Variants in VPS13B observed in about 807,000 individuals in gnomAD.
VPS13B encodes the protein vacuolar protein sorting 13 homolog B, also known as intermembrane lipid transfer protein VPS13B.
In VPS13B, 285 loss-of-function variants were observed where a neutral mutation model predicts 426.4. The ratio of observed to expected loss-of-function variants is 0.67; its 90% confidence interval spans 0.61 to 0.74. The LOEUF (loss-of-function observed/expected upper bound fraction) is 0.74. Among genes scored for constraint, VPS13B ranks in the 30% least tolerant of loss-of-function variants. The pLI is 0.00. For synonymous variants in VPS13B, 1,676 were observed against 1,676.4 expected (o/e 1.00, Z 0.01); for missense variants, 4,537 against 4,782.6 (o/e 0.95, Z 1.51).
chr8:99,048,228 C>A (rs1843332639), intron 3 of VPS13B, among the ~76,000 whole-genome samples: 1 of 152,214 alleles, frequency 6.6e-6, no homozygotes, highest in Non-Finnish European at 1.5e-5. Context: ...GATATAATTT[C>A]AATTTTCTTA....
intron 17 of VPS13B, among the ~76,000 whole-genome samples, chr8:99,239,203 G>A (rs1816789951): frequency 6.6e-6 from 1 of 152,100 alleles, no homozygotes; most frequent in Non-Finnish European, 1.5e-5. Context: ...CCTGGCCATT[G>A]AGTGTTGTGG....
At chr8:99,614,268 CACACATAT>C (rs1180959137) in intron 33 of VPS13B, among the ~76,000 whole-genome samples, 2 of 151,908 alleles carry the variant, frequency 1.3e-5, no homozygotes, top group African/African-American at 2.4e-5. Flanking sequence ...CACACACACA[CACACATAT>C]ATATATATAT....
intron 19 of VPS13B, among the ~76,000 whole-genome samples, chr8:99,339,766 T>C (rs944142704): frequency 1.3e-5 from 2 of 152,206 alleles, no homozygotes; most frequent in Non-Finnish European, 2.9e-5. Flanking sequence ...CCAAAAATCA[T>C]GTTTCACTGT....
Position 99,611,577 on chromosome 8 carries a change from C to G in VPS13B, c.5221-30234C>G, listed in dbSNP as rs950198482. On this transcript the variant is annotated intron_variant, in intron 33 of 61. Coordinates refer to ENST00000357162, the MANE Select transcript of VPS13B (RefSeq NM_152564.5). ...AAAAACATACAAACAAAAAAAAACT[C>G]AAAGCTTTGGATGTGGCAATCATTG... 4.0e-5 allele frequency among the ~76,000 whole-genome samples: 6 copies of G among 151,826 alleles called. No individual in the cohort carries two copies. In the South Asian group the frequency reaches 1.2e-3, roughly 32 times the overall value.
chr8:99,279,937 T>C (rs999006029), intron 19 of VPS13B, among the ~76,000 whole-genome samples: 19 of 152,094 alleles, frequency 1.2e-4, no homozygotes, highest in Non-Finnish European at 2.1e-4. Context: ...GCCCGGCTAA[T>C]TTTTTGTATT....
chr8:99,396,723 C>T (rs1395381602), intron 21 of VPS13B, among the ~76,000 whole-genome samples: 1 of 152,062 alleles, frequency 6.6e-6, no homozygotes, highest in Non-Finnish European at 1.5e-5. Context: ...ATAGATACTA[C>T]TGGGAAGCAC....
At chr8:99,656,559 A>G (rs1266892306) in intron 34 of VPS13B, among the ~76,000 whole-genome samples, 2 of 152,136 alleles carry the variant, frequency 1.3e-5, no homozygotes, top group Non-Finnish European at 2.9e-5. Context: ...TATGAATCCT[A>G]TATTGTAGAC....
chr8:99,035,345 C>CTTTCCCCTTTTT (rs1842694711), intron 2 of VPS13B, among the ~76,000 whole-genome samples: 2 of 152,182 alleles, frequency 1.3e-5, no homozygotes, highest in Non-Finnish European at 2.9e-5. Flanking sequence ...TCCCCTGCCC[C>CTTTCCCCTTTTT]AGCCCTTGAC....
intron 35 of VPS13B, chr8:99,697,656 G>A: frequency 3.1e-6 from 2 of 652,760 alleles, no homozygotes; most frequent in South Asian, 3.1e-5. Flanking sequence ...GACAGAGGGT[G>A]CAGCAGATGA....
chr8:99,323,538 C>T (rs1054946464), intron 19 of VPS13B, among the ~76,000 whole-genome samples: 5 of 152,086 alleles, frequency 3.3e-5, no homozygotes, highest in Admixed American at 3.3e-4. Context: ...TAATAAGTGG[C>T]ACAACAAGGA....
At chr8:99,360,043 T>G (rs1381679038) in intron 19 of VPS13B, among the ~76,000 whole-genome samples, 1 of 151,302 alleles carries the variant, frequency 6.6e-6, no homozygotes, top group Admixed American at 6.6e-5. Context: ...CCTCAAGTGA[T>G]CTGCCCACCT....
intron 54 of VPS13B, among the ~76,000 whole-genome samples, chr8:99,839,193 C>T (rs756875186): frequency 2.6e-5 from 4 of 152,228 alleles, no homozygotes; most frequent in Admixed American, 6.5e-5. Flanking sequence ...AGTAAATTCT[C>T]ATGATCTTTG....
At chr8:99,307,361 C>A (rs1820697427) in intron 19 of VPS13B, among the ~76,000 whole-genome samples, 1 of 151,600 alleles carries the variant, frequency 6.6e-6, no homozygotes, top group Non-Finnish European at 1.5e-5. Flanking sequence ...TCAGGCTTTA[C>A]AACTTGTACA....
chr8:99,712,734 GCTAT>G (rs1179170204), intron 36 of VPS13B, among the ~76,000 whole-genome samples: 1 of 145,062 alleles, frequency 6.9e-6, no homozygotes, highest in Non-Finnish European at 1.5e-5. Context: ...GAGAATTCTA[GCTAT>G]CCCATTCTGT....
chr8:99,045,798 AG>A (rs1307496517), intron 3 of VPS13B, among the ~76,000 whole-genome samples: 2 of 152,146 alleles, frequency 1.3e-5, no homozygotes, highest in Non-Finnish European at 2.9e-5. Context: ...TTTGTTGGAT[AG>A]GGTGTCCTTT....
rs765179474 is a variant in VPS13B at position 99,871,222 on chromosome 8, G to A, written c.11496-226G>A. ...GCTATTTCTAATGGGGAGAAAAGGA[G>A]CTAATAAGCAAAACCAAGGGAAATC... On this transcript the variant is annotated intron_variant, in intron 60 of 61. Transcript: ENST00000357162. 6.1e-5 allele frequency: 41 copies of A among 672,738 alleles called. 1 individual carries two copies. The Admixed American group carries it at 1.1e-3, about 18-fold the overall frequency. The allele number at this position is 672,738 out of a possible 1,614,324, so 41.7% of individuals were successfully genotyped here.
chr8:99,200,634 T>C (rs747269360), intron 17 of VPS13B, among the ~76,000 whole-genome samples: 1 of 152,088 alleles, frequency 6.6e-6, no homozygotes, highest in Non-Finnish European at 1.5e-5. Context: ...TTCATTTTCA[T>C]TTCCCTCATG....
chr8:99,731,718 G>T (rs1833607190), intron 39 of VPS13B, among the ~76,000 whole-genome samples: 1 of 152,168 alleles, frequency 6.6e-6, no homozygotes, highest in South Asian at 2.1e-4. Context: ...AGAAATCTAT[G>T]TTCTTGACAA....
chr8:99,642,671 G>A (rs750677110), intron 34 of VPS13B, among the ~76,000 whole-genome samples, 173 bp downstream of exon 34: 1 of 152,186 alleles, frequency 6.6e-6, no homozygotes, highest in Non-Finnish European at 1.5e-5. Flanking sequence ...TGTTTGAAAT[G>A]TATTGAGGTT....
Sources: allele counts gnomAD v4.1 joint callset (sites outside exome capture counted in the v4.1 genomes callset), GRCh38; gene constraint gnomAD v4.1.1; transcripts MANE v1.5; gene names NCBI Gene and HGNC (gene_info 2026-07-23, HGNC 2026-07-21).